Variants in CPED1 observed in about 807,000 individuals in gnomAD.
CPED1 encodes cadherin like and PC-esterase domain containing 1.
CPED1 carries 114 observed loss-of-function variants against 128.2 expected under a neutral mutation model. The observed-to-expected ratio is 0.89, with a 90% CI of 0.76 to 1.04. The LOEUF (loss-of-function observed/expected upper bound fraction) is 1.04, where lower values mean the gene tolerates loss of function less well. Ranked by LOEUF, CPED1 falls within the 50% of genes least tolerant of loss-of-function variation. CPED1 has a pLI of 0.00. For missense variants in CPED1, 1,211 were observed against 1,207.1 expected, an observed-to-expected ratio of 1.00 and a Z score of -0.05; for synonymous variants, 462 against 426.7, an observed-to-expected ratio of 1.08 and a Z score of -1.02.
At position 121,265,777 on chromosome 7, in the gene CPED1, G is replaced by A. The variant is rs142027264; in HGVS notation, c.2311-450G>A. 8.1e-4 allele frequency among the ~76,000 whole-genome samples: 123 copies of A among 152,148 alleles called. 1 individual carries two copies. Among genetic ancestry groups the A allele is most frequent in the Admixed American group, 1.2e-3 (19 of 15,270 alleles). On this transcript the variant is annotated intron_variant, in intron 18 of 22. Transcript: ENST00000310396. ...GTTCAGAAAATTAGATTCTGGTTCTGTGGTTCTTTCGTCAAGTAGACACGA... is the reference window on the plus strand; with the variant it reads ...GTTCAGAAAATTAGATTCTGGTTCTATGGTTCTTTCGTCAAGTAGACACGA...
At chr7:121,230,916 T>C (rs1405829997) in intron 16 of CPED1, among the ~76,000 whole-genome samples, 1 of 151,946 alleles carries the variant, frequency 6.6e-6, no homozygotes, top group Non-Finnish European at 1.5e-5. Context: ...ATATCTGTCA[T>C]AGTTATATTG....
At chr7:121,124,741 C>T (rs975835212) in intron 8 of CPED1, among the ~76,000 whole-genome samples, 17 of 152,068 alleles carry the variant, frequency 1.1e-4, no homozygotes, top group East Asian at 1.9e-4. Flanking sequence ...TAATTGCAGC[C>T]GCCTTTTCAA....
At chr7:120,995,112 T>C (rs1796374894) in intron 2 of CPED1, among the ~76,000 whole-genome samples, 1 of 152,218 alleles carries the variant, frequency 6.6e-6, no homozygotes, top group Admixed American at 6.5e-5. Context: ...ATCTACCTAA[T>C]ATGATATGCT....
At chr7:121,047,321 T>G (rs373446554) in intron 4 of CPED1, among the ~76,000 whole-genome samples, 26 of 152,356 alleles carry the variant, frequency 1.7e-4, no homozygotes, top group African/African-American at 4.6e-4. Flanking sequence ...TAGATGCCTT[T>G]TCTAATTTTT....
chr7:121,032,376 A>C (rs1165270803), intron 3 of CPED1, among the ~76,000 whole-genome samples: 1 of 152,178 alleles, frequency 6.6e-6, no homozygotes, highest in Non-Finnish European at 1.5e-5. Flanking sequence ...ATGATTTGGC[A>C]TAATCCTGTT....
intron 5 of CPED1, among the ~76,000 whole-genome samples, chr7:121,081,944 G>C (rs1433908054): frequency 2.6e-5 from 4 of 152,070 alleles, no homozygotes; most frequent in African/African-American, 9.7e-5. Flanking sequence ...TAGCTGAGAG[G>C]GCCTTTTCAT....
chr7:121,064,631 T>G (rs1355104666), intron 5 of CPED1, among the ~76,000 whole-genome samples: 1 of 152,246 alleles, frequency 6.6e-6, no homozygotes, highest in Non-Finnish European at 1.5e-5. Context: ...TTCTCAGTTA[T>G]GTAACACTTG....
At chr7:121,247,944 C>G (rs1051438114) in intron 18 of CPED1, among the ~76,000 whole-genome samples, 2 of 152,238 alleles carry the variant, frequency 1.3e-5, no homozygotes, top group African/African-American at 4.8e-5. Flanking sequence ...CCTGCCCACC[C>G]TGCCTGGCTT....
chr7:121,292,769 C>G (rs1346565730), intron 22 of CPED1, among the ~76,000 whole-genome samples: 1 of 152,104 alleles, frequency 6.6e-6, no homozygotes, highest in African/African-American at 2.4e-5. Context: ...TTCTAACAGT[C>G]AGGCCGCTCT....
At chr7:121,183,142 C>G (rs998142109) in intron 16 of CPED1, among the ~76,000 whole-genome samples, 6 of 152,080 alleles carry the variant, frequency 3.9e-5, no homozygotes, top group Non-Finnish European at 7.4e-5. Context: ...GAGTGCTTAT[C>G]TAAACTCTTT....
chr7:121,152,047 A>G (rs2116403780), intron 16 of CPED1, among the ~76,000 whole-genome samples: 1 of 152,086 alleles, frequency 6.6e-6, no homozygotes, highest in East Asian at 1.9e-4. Flanking sequence ...AATGATGCTA[A>G]TTTGTCCTTT....
chr7:121,097,814 C>G lies in CPED1; in HGVS notation c.732C>G (p.Asp244Glu), dbSNP rs537153938. Reference sequence around the variant, plus strand: ...AGCCACGTGTGTGGAAACCAGGGGACTGGAGTCGTGAACAGCTGTAAGCTA... The same window carrying G: ...AGCCACGTGTGTGGAAACCAGGGGAGTGGAGTCGTGAACAGCTGTAAGCTA... ...TVKPRVWKPG[D>E]WSREQLNETT... The change falls in exon 6 of 23, where the codon GAC becomes GAG. Residue 244 changes from aspartate (D) to glutamate (E), a missense_variant. By Grantham distance (45) the Asp-to-Glu change is conservative. Transcript: ENST00000310396. The G allele has an allele frequency of 6.2e-7, 1 of 1,613,618 alleles. No homozygotes were observed. The highest frequency in any genetic ancestry group is 1.3e-5 in the African/African-American group (1 of 74,898).
At chr7:121,189,760 T>TTTTATATATATATATATATATATATA (rs1472274298) in intron 16 of CPED1, among the ~76,000 whole-genome samples, 1 of 47,468 alleles carries the variant, frequency 2.1e-5, no homozygotes, top group African/African-American at 8.1e-5. Flanking sequence ...TTATGAGGTT[T>TTTTATATATATATATATATATATATA]TATATATATA....
intron 17 of CPED1, 142 bp downstream of exon 17, chr7:121,236,973 G>A: frequency 2.3e-6 from 1 of 436,864 alleles, no homozygotes; most frequent in Non-Finnish European, 4.1e-6. Context: ...TATAATTAAT[G>A]TAAGTGCATT....
At chr7:121,285,026 C>G (rs1792537865) in intron 22 of CPED1, among the ~76,000 whole-genome samples, 1 of 152,234 alleles carries the variant, frequency 6.6e-6, no homozygotes, top group Admixed American at 6.5e-5. Flanking sequence ...AAACTTCTGC[C>G]TGGACATCCA....
chr7:121,205,767 C>T (rs1261590538), intron 16 of CPED1, among the ~76,000 whole-genome samples: 1 of 151,926 alleles, frequency 6.6e-6, no homozygotes, highest in East Asian at 1.9e-4. Flanking sequence ...ACTGTAAGAA[C>T]CTGTTCAGTT....
At chr7:121,243,531 G>A (rs1432834877) in intron 17 of CPED1, among the ~76,000 whole-genome samples, 1 of 152,112 alleles carries the variant, frequency 6.6e-6, no homozygotes, top group Non-Finnish European at 1.5e-5. Context: ...AACAAAAGAT[G>A]AATACAATAT....
chr7:121,233,021 G>T (rs182527257), intron 16 of CPED1, among the ~76,000 whole-genome samples: 2 of 152,048 alleles, frequency 1.3e-5, no homozygotes, highest in African/African-American at 4.8e-5. Flanking sequence ...AATGAAGTGG[G>T]TGTCCAGAGG....
chr7:121,255,605 GAAA>G, intron 18 of CPED1, among the ~76,000 whole-genome samples: 1 of 151,782 alleles, frequency 6.6e-6, no homozygotes, highest in Non-Finnish European at 1.5e-5. Context: ...ATCAAAATAG[GAAA>G]AAAAGTCAAA....
Sources: allele counts gnomAD v4.1 joint callset (sites outside exome capture counted in the v4.1 genomes callset), GRCh38; gene constraint gnomAD v4.1.1; transcripts MANE v1.5; gene names NCBI Gene and HGNC (gene_info 2026-07-23, HGNC 2026-07-21).